SLC35F3: variants seen among roughly 807,000 people sequenced by gnomAD.
SLC35F3 encodes solute carrier family 35 member F3.
SLC35F3 carries 25 observed loss-of-function variants against 49.9 expected under a neutral mutation model. The observed-to-expected ratio is 0.50, with a 90% CI of 0.37 to 0.70. The LOEUF is 0.70. Among genes scored for constraint, SLC35F3 ranks in the 30% least tolerant of loss-of-function variants. SLC35F3 has a pLI of 0.00. For missense variants in SLC35F3, 525 were observed against 639.8 expected, an observed-to-expected ratio of 0.82 and a Z score of 1.94; for synonymous variants, 275 against 265.4, an observed-to-expected ratio of 1.04 and a Z score of -0.35.
At chr1:233,960,632 A>T (rs1165482009) in intron 2 of SLC35F3, among the ~76,000 whole-genome samples, 1 of 152,160 alleles carries the variant, frequency 6.6e-6, no homozygotes, top group East Asian at 1.9e-4. Flanking sequence ...TTTAAGTTAG[A>T]TCATTTCTCA....
chr1:234,092,610 G>A (rs898392372), intron 2 of SLC35F3, among the ~76,000 whole-genome samples: 4 of 152,220 alleles, frequency 2.6e-5, no homozygotes, highest in African/African-American at 9.6e-5. Flanking sequence ...GTTCACACCT[G>A]TAATCTCAGC....
At chr1:234,248,552 T>C (rs1667684157) in intron 3 of SLC35F3, among the ~76,000 whole-genome samples, 1 of 152,290 alleles carries the variant, frequency 6.6e-6, no homozygotes, top group South Asian at 2.1e-4. Context: ...GGTGGGTTGG[T>C]TGGCTGGTTC....
chr1:234,103,902 C>G (rs1032564709), intron 2 of SLC35F3, among the ~76,000 whole-genome samples: 1 of 152,178 alleles, frequency 6.6e-6, no homozygotes, highest in African/African-American at 2.4e-5. Context: ...AGTCATCCAC[C>G]GTGTTCTTTT....
intron 2 of SLC35F3, among the ~76,000 whole-genome samples, chr1:234,003,107 C>T (rs1490380816): frequency 6.6e-6 from 1 of 152,212 alleles, no homozygotes; most frequent in Non-Finnish European, 1.5e-5. Context: ...GCCATTTCTC[C>T]AAGAAGCCCT....
intron 3 of SLC35F3, among the ~76,000 whole-genome samples, chr1:234,258,537 C>A (rs1431012614): frequency 1.3e-5 from 2 of 152,226 alleles, no homozygotes; most frequent in African/African-American, 4.8e-5. Context: ...TAATTCTAAT[C>A]TTGTGACCTT....
At chr1:234,099,614 A>G (rs1665183957) in intron 2 of SLC35F3, among the ~76,000 whole-genome samples, 1 of 151,266 alleles carries the variant, frequency 6.6e-6, no homozygotes, top group Non-Finnish European at 1.5e-5. Context: ...GTCTAAAAAA[A>G]AAAAAAAAAA....
intron 2 of SLC35F3, among the ~76,000 whole-genome samples, chr1:234,141,549 G>A (rs769258955): frequency 5.9e-5 from 9 of 152,142 alleles, no homozygotes; most frequent in East Asian, 1.9e-4. Context: ...GTTCTTTTGC[G>A]CATTTTGTTT....
At position 233,990,379 on chromosome 1, in the gene SLC35F3, C is replaced by G. The variant is rs75301875; in HGVS notation, c.283+84621C>G. 2.6e-5 allele frequency among the ~76,000 whole-genome samples: 4 copies of G among 152,250 alleles called. No homozygotes were observed. In the East Asian group the frequency reaches 7.7e-4, roughly 29 times the overall value. ...CTTGATTCTAAGCTCAGCTTTGTTA[C>G]TTATTAGCAATGTGAACATGGGAAA... is the stretch of plus-strand genomic sequence containing the variant. On this transcript the variant is annotated intron_variant, in intron 2 of 7. Transcript: ENST00000366618.
rs761085197 is a variant in SLC35F3, at chr1:234,231,607, G to T, written c.474G>T (p.Leu158=). 1 of 1,614,222 alleles carries T rather than the reference G, an allele frequency of 6.2e-7. No homozygotes were observed. Among genetic ancestry groups the T allele is most frequent in the Non-Finnish European group, 8.5e-7 (1 of 1,180,020 alleles). ...SWAGSTQLAK[L]TFRKFDAPFT... is the part of the protein sequence containing the mutation. The stretch of plus-strand genomic sequence containing the variant: ...CGGGCTCCACGCAGCTCGCCAAGCT[G>T]ACCTTCAGGAAGTTCGACGCGCCCT... Residue 158 remains leucine, a synonymous_variant, in exon 3 of 8, where the codon CTG becomes CTT. Coordinates refer to ENST00000366618, the MANE Select transcript of SLC35F3 (RefSeq NM_173508.4). The surrounding 1 kb of genome is among the most constrained non-coding windows in gnomAD (Gnocchi z 5.4).
At chr1:234,040,416 T>G (rs1164830732) in intron 2 of SLC35F3, among the ~76,000 whole-genome samples, 1 of 152,218 alleles carries the variant, frequency 6.6e-6, no homozygotes, top group Admixed American at 6.5e-5. Flanking sequence ...AAGTTCTCGC[T>G]TTGGGTCACA....
intron 4 of SLC35F3, among the ~76,000 whole-genome samples, chr1:234,314,905 G>C (rs1367966197): frequency 6.6e-6 from 1 of 152,160 alleles, no homozygotes; most frequent in Non-Finnish European, 1.5e-5. Flanking sequence ...GCGTGTTCCT[G>C]ACAGCCCCCT....
intron 3 of SLC35F3, among the ~76,000 whole-genome samples, chr1:234,294,494 C>T (rs1267318093): frequency 6.6e-6 from 1 of 152,208 alleles, no homozygotes; most frequent in African/African-American, 2.4e-5. Flanking sequence ...TAACTAGCTC[C>T]CCATCACCCT....
chr1:233,909,918 C>T (rs1661847304), intron 2 of SLC35F3, among the ~76,000 whole-genome samples: 1 of 152,224 alleles, frequency 6.6e-6, no homozygotes, highest in Non-Finnish European at 1.5e-5. Context: ...CTTACAAATT[C>T]CTGACCCTCT....
chr1:234,290,716 G>A (rs1392551051), intron 3 of SLC35F3, among the ~76,000 whole-genome samples: 3 of 152,200 alleles, frequency 2.0e-5, no homozygotes, highest in East Asian at 3.8e-4. Context: ...GCTCAAACTA[G>A]CTTAAGCAAA....
chr1:234,266,902 A>G (rs1419494774), intron 3 of SLC35F3, among the ~76,000 whole-genome samples: 5 of 65,826 alleles, frequency 7.6e-5, no homozygotes, highest in Non-Finnish European at 1.2e-4. Context: ...TTTTTTATTG[A>G]TCATTCTTGG....
chr1:233,921,759 C>T (rs1166619151), intron 2 of SLC35F3, among the ~76,000 whole-genome samples: 8 of 151,634 alleles, frequency 5.3e-5, no homozygotes, highest in East Asian at 3.9e-4. Flanking sequence ...CCCATTAACC[C>T]GTCATTTACA....
intron 2 of SLC35F3, among the ~76,000 whole-genome samples, chr1:233,984,313 G>C (rs1663232591): frequency 6.6e-6 from 1 of 152,196 alleles, no homozygotes; most frequent in South Asian, 2.1e-4. Flanking sequence ...CTACTCCACG[G>C]AGTAGGACCA....
At chr1:234,303,130 C>A (rs1668719545) in intron 3 of SLC35F3, among the ~76,000 whole-genome samples, 2 of 152,116 alleles carry the variant, frequency 1.3e-5, no homozygotes, top group African/African-American at 4.8e-5. Context: ...ACAATAATAT[C>A]CCAATTTTTA....
intron 2 of SLC35F3, among the ~76,000 whole-genome samples, chr1:233,998,848 T>C (rs73098495): frequency 0.027 from 4,132 of 152,232 alleles, 196 homozygotes; most frequent in African/African-American, 0.094. Context: ...TGTTCTTACG[T>C]GATCATTTTG....
Sources: allele counts gnomAD v4.1 joint callset (sites outside exome capture counted in the v4.1 genomes callset), GRCh38; gene constraint gnomAD v4.1.1; non-coding constraint Gnocchi (gnomAD v3.1); transcripts MANE v1.5; gene names NCBI Gene and HGNC (gene_info 2026-07-23, HGNC 2026-07-21).